Variants in KTN1 observed in about 807,000 individuals in gnomAD.
KTN1 encodes kinectin.
In KTN1, 130 loss-of-function variants were observed where a neutral mutation model predicts 222.5. The ratio of observed to expected loss-of-function variants is 0.58; its 90% CI spans 0.51 to 0.68. The LOEUF is 0.68. Ranked by LOEUF, KTN1 falls within the 30% of genes least tolerant of loss-of-function variation. The pLI is 0.00. For missense variants in KTN1, 1,508 were observed against 1,500.4 expected (o/e 1.01, Z -0.08); for synonymous variants, 512 against 496.3 (o/e 1.03, Z -0.42).
At chr14:55,646,663 A>C (rs2042398917) in intron 18 of KTN1, among the ~76,000 whole-genome samples, 1 of 151,350 alleles carries the variant, frequency 6.6e-6, no homozygotes, top group East Asian at 1.9e-4. Flanking sequence ...AATTGAATTA[A>C]TGTAAAGGAA....
chr14:55,585,602 C>T (rs2032824121), intron 1 of KTN1, among the ~76,000 whole-genome samples: 1 of 152,088 alleles, frequency 6.6e-6, no homozygotes. Flanking sequence ...AGTACAAAAT[C>T]TTTATAGATT....
chr14:55,581,508 G>T (rs2140274054), intron 1 of KTN1, among the ~76,000 whole-genome samples: 1 of 151,970 alleles, frequency 6.6e-6, no homozygotes, highest in African/African-American at 2.4e-5. Flanking sequence ...AAAGAGCTAC[G>T]GTTGAAGTTA....
chr14:55,641,512 C>T (rs928270578), intron 17 of KTN1, among the ~76,000 whole-genome samples, 180 bp from the exon 18 acceptor site: 2 of 152,084 alleles, frequency 1.3e-5, no homozygotes, highest in African/African-American at 4.8e-5. Context: ...TCATGGCCAA[C>T]CAAGTGCTAG....
chr14:55,684,018 T>C, intron 43 of KTN1, 81 bp from the exon 44 acceptor site: 1 of 1,226,790 alleles, frequency 8.2e-7, no homozygotes, highest in South Asian at 1.3e-5. Flanking sequence ...AATATGTACT[T>C]TTGGTGTTTG....
At chr14:55,586,960 C>G (rs1158758096) in intron 1 of KTN1, among the ~76,000 whole-genome samples, 2 of 152,098 alleles carry the variant, frequency 1.3e-5, no homozygotes, top group Non-Finnish European at 2.9e-5. Flanking sequence ...CTGACCCTAC[C>G]TAAAAATGCA....
rs1207443039 is a variant in KTN1 at position 55,612,378 on chromosome 14, T to C, written c.330T>C (p.Ser110=). The change falls in exon 2 of 44, where the codon AGT becomes AGC. Residue 110 remains serine, a synonymous_variant. Coordinates refer to ENST00000395314, the MANE Select transcript of KTN1 (RefSeq NM_001079521.2). ...VPLNVVETSS[S]VRERKKKEKK... ...TGAATGTCGTTGAAACTTCAAGTAG[T>C]GTTAGGGAAAGAAAAAAGAAGGAAA... 2 of 1,613,790 alleles carry C rather than the reference T, an allele frequency of 1.2e-6. No homozygotes were observed. The highest frequency in any genetic ancestry group is 1.3e-5 in the African/African-American group (1 of 74,854).
At chr14:55,679,796 C>T (rs2141411361) in intron 43 of KTN1, 111 bp downstream of exon 43, 1 of 1,120,750 alleles carries the variant, frequency 8.9e-7, no homozygotes, top group East Asian at 2.4e-5. Context: ...CCTTCTTTAT[C>T]TCTCAGAACT....
At chr14:55,642,384 C>T (rs999195253) in intron 18 of KTN1, among the ~76,000 whole-genome samples, 5 of 152,142 alleles carry the variant, frequency 3.3e-5, no homozygotes, top group Non-Finnish European at 7.4e-5. Context: ...TATAGCAAGA[C>T]ATCAAAACTA....
intron 5 of KTN1, among the ~76,000 whole-genome samples, chr14:55,624,750 G>C (rs1300635219): frequency 6.6e-6 from 1 of 152,180 alleles, no homozygotes; most frequent in African/African-American, 2.4e-5. Flanking sequence ...AGTGGTGGGA[G>C]GAACACCAGG....
intron 32 of KTN1, 93 bp from the exon 33 acceptor site, chr14:55,663,862 C>A: frequency 1.4e-6 from 1 of 732,634 alleles, no homozygotes; most frequent in Non-Finnish European, 2.3e-6. Context: ...CAGTAACCAG[C>A]ATTTAAATGC....
chr14:55,637,157 C>CA (rs1292999805), intron 10 of KTN1, 41 bp from the exon 11 acceptor site: 1 of 1,460,714 alleles, frequency 6.8e-7, no homozygotes. Flanking sequence ...AGTAACTAGG[C>CA]AAAGAAAGAG....
intron 31 of KTN1, among the ~76,000 whole-genome samples, chr14:55,661,077 A>G (rs2044090849): frequency 1.3e-5 from 2 of 152,214 alleles, no homozygotes; most frequent in South Asian, 4.1e-4. Flanking sequence ...CACTGAGCTC[A>G]TTTTAATATT....
chr14:55,625,130 C>T (rs573492689), intron 5 of KTN1, among the ~76,000 whole-genome samples: 3 of 152,230 alleles, frequency 2.0e-5, no homozygotes, highest in African/African-American at 7.2e-5. Context: ...CCAGTCTGGA[C>T]TCTGCCACTT....
chr14:55,681,951 C>G (rs150991033), intron 43 of KTN1: 1 of 151,996 alleles, frequency 6.6e-6, no homozygotes, highest in Non-Finnish European at 1.5e-5. Flanking sequence ...TAAACTGACA[C>G]GAGATGATTA....
At chr14:55,580,661 C>T (rs1240430794) in intron 1 of KTN1, among the ~76,000 whole-genome samples, 1 of 152,020 alleles carries the variant, frequency 6.6e-6, no homozygotes, top group Non-Finnish European at 1.5e-5. Flanking sequence ...ACCCCCCACC[C>T]TCCCCAAGGA....
intron 32 of KTN1, among the ~76,000 whole-genome samples, chr14:55,662,074 T>C (rs1293359292): frequency 5.3e-5 from 8 of 150,654 alleles, no homozygotes; most frequent in African/African-American, 2.0e-4. Context: ...CTGCCCTTTT[T>C]TTTTTTTTTT....
chr14:55,681,908 G>T (rs1402776339), intron 43 of KTN1: 1 of 151,934 alleles, frequency 6.6e-6, no homozygotes, highest in African/African-American at 2.4e-5. Flanking sequence ...TATCATTTTT[G>T]CTACATATAT....
At chr14:55,659,799 C>G in intron 31 of KTN1, 96 bp downstream of exon 31, 1 of 726,294 alleles carries the variant, frequency 1.4e-6, no homozygotes, top group East Asian at 2.6e-5. Context: ...CTGCAAATGG[C>G]ACCTGATTTT....
At position 55,591,589 on chromosome 14, in the gene KTN1, T is replaced by C. The variant is rs4901594; in HGVS notation, c.-31+11235T>C. Among the ~76,000 whole-genome samples, 530 of 120,706 alleles carry C rather than the reference T, an allele frequency of 4.4e-3. 18 individuals are homozygous for C. Among genetic ancestry groups the C allele is most frequent in the Admixed American group, 0.04 (486 of 12,078 alleles). 79.2% of individuals were successfully genotyped at this position (120,706 alleles called of 152,430 possible). Reference sequence around the variant, plus strand: ...TCTTTCTTTCTCTCTTTCTTTTTTTTTTTTTTTTTTTTTTTTGAGACGGAA... The same window carrying C: ...TCTTTCTTTCTCTCTTTCTTTTTTTCTTTTTTTTTTTTTTTTGAGACGGAA... On this transcript the variant is annotated intron_variant, in intron 1 of 43. Coordinates refer to ENST00000395314, the MANE Select transcript of KTN1 (RefSeq NM_001079521.2).
Sources: allele counts gnomAD v4.1 joint callset (sites outside exome capture counted in the v4.1 genomes callset), GRCh38; gene constraint gnomAD v4.1.1; transcripts MANE v1.5; gene names NCBI Gene and HGNC (gene_info 2026-07-23, HGNC 2026-07-21).